Variants in TSPAN9 observed in about 807,000 individuals in gnomAD.
TSPAN9 encodes tetraspanin-9.
TSPAN9 carries 16 observed loss-of-function variants against 31.0 expected under a neutral mutation model. The observed-to-expected ratio is 0.52, with a 90% confidence interval of 0.35 to 0.78. TSPAN9 has a LOEUF of 0.78. TSPAN9 is among the 30% of genes least tolerant of loss of function. TSPAN9 has a pLI of 0.01. For synonymous variants in TSPAN9, 145 were observed against 121.6 expected, an observed-to-expected ratio of 1.19 and a Z score of -1.27; for missense variants, 272 against 312.5, an observed-to-expected ratio of 0.87 and a Z score of 0.98.
At chr12:3,197,615 G>C (rs1316773197) in intron 2 of TSPAN9, among the ~76,000 whole-genome samples, 1 of 152,160 alleles carries the variant, frequency 6.6e-6, no homozygotes, top group Non-Finnish European at 1.5e-5. Context: ...CCTCTAGGAG[G>C]CGGGCCTGCC....
intron 3 of TSPAN9, among the ~76,000 whole-genome samples, chr12:3,245,536 C>T (rs1275038524): frequency 2.6e-5 from 4 of 152,210 alleles, no homozygotes; most frequent in African/African-American, 9.7e-5. Context: ...GACCTCGGAA[C>T]ATCTCCTTGG....
intron 2 of TSPAN9, among the ~76,000 whole-genome samples, chr12:3,125,661 A>C (rs920077322): frequency 2.6e-5 from 4 of 151,996 alleles, no homozygotes; most frequent in Non-Finnish European, 5.9e-5. Flanking sequence ...GATGTTTGTC[A>C]GATAGAAGAA....
intron 3 of TSPAN9, among the ~76,000 whole-genome samples, chr12:3,222,203 G>T (rs766767479): frequency 2.1e-4 from 32 of 152,142 alleles, no homozygotes; most frequent in Non-Finnish European, 2.8e-4. Context: ...CATGCAGAAG[G>T]GGGGGACGTG....
intron 2 of TSPAN9, among the ~76,000 whole-genome samples, chr12:3,096,164 A>G (rs953122393): frequency 3.3e-5 from 5 of 152,184 alleles, no homozygotes; most frequent in Admixed American, 1.3e-4. Flanking sequence ...TTCAAAATCA[A>G]TAATCTTTAA....
intron 3 of TSPAN9, among the ~76,000 whole-genome samples, chr12:3,240,555 C>T (rs3825355): frequency 0.1 from 15,915 of 152,178 alleles, 910 homozygotes; most frequent in Middle Eastern, 0.15. Context: ...AGGCCAGGAT[C>T]TGAATCCGGG....
intron 2 of TSPAN9, among the ~76,000 whole-genome samples, chr12:3,115,778 C>A (rs924803753): frequency 2.6e-5 from 4 of 152,184 alleles, no homozygotes; most frequent in Admixed American, 2.0e-4. Flanking sequence ...AGGATTTCAA[C>A]ATGAGAATAT....
chr12:3,148,647 G>A (rs2098338433), intron 2 of TSPAN9, among the ~76,000 whole-genome samples: 1 of 152,260 alleles, frequency 6.6e-6, no homozygotes, highest in Non-Finnish European at 1.5e-5. Flanking sequence ...ACGACTGCCT[G>A]AAAGGGACCA....
intron 2 of TSPAN9, among the ~76,000 whole-genome samples, chr12:3,125,250 C>G (rs1008640512): frequency 6.6e-6 from 1 of 151,080 alleles, no homozygotes; most frequent in African/African-American, 2.4e-5. Context: ...TAACATTTCT[C>G]TAGTGAACCA....
At chr12:3,217,251 G>A (rs925385440) in intron 3 of TSPAN9, among the ~76,000 whole-genome samples, 1 of 152,210 alleles carries the variant, frequency 6.6e-6, no homozygotes, top group Non-Finnish European at 1.5e-5. Flanking sequence ...AGGGGCTGAG[G>A]TGTAGCATCC....
intron 3 of TSPAN9, among the ~76,000 whole-genome samples, chr12:3,258,676 A>G (rs1396244162): frequency 6.6e-6 from 1 of 152,138 alleles, no homozygotes; most frequent in Non-Finnish European, 1.5e-5. Flanking sequence ...GCAGCGCTGA[A>G]TAACATCATT....
At chr12:3,258,275 G>A (rs1320545862) in intron 3 of TSPAN9, among the ~76,000 whole-genome samples, 1 of 152,220 alleles carries the variant, frequency 6.6e-6, no homozygotes, top group Non-Finnish European at 1.5e-5. Context: ...GAGTCCACAG[G>A]CTCTGGGGGT....
At chr12:3,191,826 A>G (rs1260164048) in intron 2 of TSPAN9, among the ~76,000 whole-genome samples, 1 of 152,116 alleles carries the variant, frequency 6.6e-6, no homozygotes, top group Non-Finnish European at 1.5e-5. Context: ...CCTAACAAAC[A>G]TGGATTTTCC....
intron 1 of TSPAN9, 84 bp downstream of exon 1, chr12:3,077,537 C>T (rs918928019): frequency 2.6e-5 from 4 of 151,988 alleles, no homozygotes; most frequent in Non-Finnish European, 4.4e-5. Flanking sequence ...GCCGGGCGGG[C>T]TGGGCACCCC....
chr12:3,090,228 C>T (rs894269302), intron 2 of TSPAN9, among the ~76,000 whole-genome samples: 4 of 151,806 alleles, frequency 2.6e-5, no homozygotes, highest in Admixed American at 6.6e-5. Context: ...CCGTAGTTGG[C>T]GCAGACTTGC....
At chr12:3,201,137 G>C (rs1408407494) in intron 2 of TSPAN9, 40 bp from the exon 3 acceptor site, 43 of 1,548,428 alleles carry the variant, frequency 2.8e-5, no homozygotes, top group Non-Finnish European at 3.3e-5. Context: ...CAGCAAGTAC[G>C]TGGTGTTTTA....
Position 3,283,387 on chromosome 12 carries a change from C to A in TSPAN9, c.*271C>A. ...AAAGACGACAGGGTGGGCTGGGGTG[C>A]GCTCCGGAGGAACCCCCGGCACTGA... On this transcript the variant is annotated 3_prime_UTR_variant, in exon 9 of 9. Coordinates refer to ENST00000011898, the MANE Select transcript of TSPAN9 (RefSeq NM_006675.5). 2.4e-6 allele frequency: 1 copy of A among 412,782 alleles called. No individual in the cohort carries two copies. The highest frequency in any genetic ancestry group is 4.3e-6 in the Non-Finnish European group (1 of 231,498). 25.6% of individuals were successfully genotyped at this position (412,782 alleles called of 1,614,324 possible). A position where few individuals can be genotyped will look rare whatever the true frequency, so the allele number is the denominator to read the frequency against.
At chr12:3,240,495 C>G (rs2098396032) in intron 3 of TSPAN9, among the ~76,000 whole-genome samples, 1 of 152,208 alleles carries the variant, frequency 6.6e-6, no homozygotes, top group African/African-American at 2.4e-5. Flanking sequence ...GAATGGTGGG[C>G]TCAGAAGGGT....
intron 2 of TSPAN9, among the ~76,000 whole-genome samples, chr12:3,140,064 G>A (rs2098334058): frequency 6.6e-6 from 1 of 152,200 alleles, no homozygotes; most frequent in Non-Finnish European, 1.5e-5. Context: ...GCTTGCTTAG[G>A]CCTAGGAAGG....
At chr12:3,080,732 A>C (rs956152573) in intron 1 of TSPAN9, among the ~76,000 whole-genome samples, 22 of 152,198 alleles carry the variant, frequency 1.4e-4, no homozygotes, top group Admixed American at 1.3e-3. Flanking sequence ...TCCAGAAATT[A>C]CCTTGTAAAA....
Sources: allele counts gnomAD v4.1 joint callset (sites outside exome capture counted in the v4.1 genomes callset), GRCh38; gene constraint gnomAD v4.1.1; transcripts MANE v1.5; gene names NCBI Gene and HGNC (gene_info 2026-07-23, HGNC 2026-07-21).